LARP4B: variants seen among roughly 807,000 people sequenced by gnomAD.
LARP4B encodes la-related protein 4B.
LARP4B carries 12 observed loss-of-function variants against 89.8 expected under a neutral mutation model. The observed-to-expected ratio is 0.13, with a 90% confidence interval of 0.09 to 0.22. The LOEUF is 0.22. Among genes scored for constraint, LARP4B ranks in the 10% least tolerant of loss-of-function variants. The pLI is 1.00. For missense variants in LARP4B, 757 were observed against 947.7 expected (o/e 0.80, Z 2.64); for synonymous variants, 367 against 363.3 (o/e 1.01, Z -0.12).
intron 3 of LARP4B, among the ~76,000 whole-genome samples, chr10:873,878 T>A (rs1195016787): frequency 1.3e-5 from 2 of 152,220 alleles, no homozygotes; most frequent in Non-Finnish European, 2.9e-5. Context: ...ATAGTAAATA[T>A]ATACACACAT....
At chr10:963,051 A>G in the LARP4B span, among the ~76,000 whole-genome samples, 2 of 152,306 alleles carry the variant, frequency 1.3e-5, no homozygotes, top group Middle Eastern at 6.8e-3. Flanking sequence ...TAAACTGTGC[A>G]GCAGTAGCGT....
the LARP4B span, among the ~76,000 whole-genome samples, chr10:965,629 C>G: frequency 7.2e-5 from 11 of 152,082 alleles, no homozygotes; most frequent in Admixed American, 5.3e-4. Flanking sequence ...TAACCAGGTG[C>G]TGATTAGTTA....
At chr10:948,539 G>A in the LARP4B span, among the ~76,000 whole-genome samples, 2 of 152,212 alleles carry the variant, frequency 1.3e-5, no homozygotes, top group South Asian at 2.1e-4. Flanking sequence ...GAGCCCCCGC[G>A]CCCGGCCTCA....
At chr10:913,245 A>AT (rs1205378922) in intron 1 of LARP4B, among the ~76,000 whole-genome samples, 2 of 152,128 alleles carry the variant, frequency 1.3e-5, no homozygotes, top group Non-Finnish European at 2.9e-5. Flanking sequence ...GGGGGGAATT[A>AT]TTTTCACTAG....
upstream of LARP4B, among the ~76,000 whole-genome samples, chr10:935,778 G>T (rs936278203): frequency 2.1e-5 from 3 of 140,468 alleles, no homozygotes; most frequent in Non-Finnish European, 4.5e-5. Flanking sequence ...GAGTGCAGTG[G>T]CACAATCTTG....
chr10:855,990 G>T (rs1251075186), intron 5 of LARP4B, among the ~76,000 whole-genome samples: 1 of 152,224 alleles, frequency 6.6e-6, no homozygotes, highest in Non-Finnish European at 1.5e-5. Context: ...AACAAACAGT[G>T]CTGCAATAGC....
intron 8 of LARP4B, among the ~76,000 whole-genome samples, chr10:831,432 A>G (rs1005554270): frequency 6.6e-6 from 1 of 152,222 alleles, no homozygotes; most frequent in Non-Finnish European, 1.5e-5. Flanking sequence ...CCTGAACCCC[A>G]GCGTGAACAC....
chr10:946,930 G>A, the LARP4B span, among the ~76,000 whole-genome samples: 31 of 152,088 alleles, frequency 2.0e-4, no homozygotes, highest in African/African-American at 6.3e-4. Context: ...ATTCAGTGGC[G>A]CAATTTTGGC....
intron 1 of LARP4B, among the ~76,000 whole-genome samples, chr10:905,972 A>G (rs1836480988): frequency 6.6e-6 from 1 of 152,238 alleles, no homozygotes; most frequent in South Asian, 2.1e-4. Flanking sequence ...TGCACTAAGT[A>G]GGGCAAAAGC....
At chr10:949,586 C>T in the LARP4B span, among the ~76,000 whole-genome samples, 3 of 152,366 alleles carry the variant, frequency 2.0e-5, no homozygotes, top group Admixed American at 2.0e-4. Context: ...GATCTGCTCT[C>T]CCCGTCCTCA....
At chr10:907,474 G>A (rs756684029) in intron 1 of LARP4B, among the ~76,000 whole-genome samples, 7 of 152,068 alleles carry the variant, frequency 4.6e-5, no homozygotes, top group Non-Finnish European at 7.4e-5. Flanking sequence ...ATGCATGTCC[G>A]TTTAAGTGTG....
At chr10:894,179 A>G (rs1192937886) in intron 1 of LARP4B, among the ~76,000 whole-genome samples, 1 of 152,236 alleles carries the variant, frequency 6.6e-6, no homozygotes, top group African/African-American at 2.4e-5. Context: ...CAGTATTATC[A>G]TTAAAACTGG....
chr10:834,292 T>C (rs1329669496), intron 8 of LARP4B, among the ~76,000 whole-genome samples: 1 of 152,240 alleles, frequency 6.6e-6, no homozygotes, highest in Non-Finnish European at 1.5e-5. Context: ...TGACTAACGG[T>C]AAATTAGGAT....
intron 1 of LARP4B, among the ~76,000 whole-genome samples, chr10:930,221 A>G (rs1184036740): frequency 1.3e-5 from 2 of 152,164 alleles, no homozygotes; most frequent in Non-Finnish European, 2.9e-5. Context: ...AAACTAAGAG[A>G]AAAAAACTTT....
intron 5 of LARP4B, among the ~76,000 whole-genome samples, chr10:859,938 C>T (rs1834509388): frequency 1.3e-5 from 2 of 150,900 alleles, no homozygotes; most frequent in African/African-American, 4.9e-5. Context: ...CTCTCTGATG[C>T]TACAATGGAG....
chr10:943,666 T>A, the LARP4B span, among the ~76,000 whole-genome samples: 1 of 152,156 alleles, frequency 6.6e-6, no homozygotes, highest in Non-Finnish European at 1.5e-5. Context: ...TTGGGTGAGC[T>A]AAGACTGACA....
chr10:931,046 G>C (rs1303329671), intron 1 of LARP4B, among the ~76,000 whole-genome samples: 1 of 142,406 alleles, frequency 7.0e-6, no homozygotes, highest in South Asian at 2.3e-4. Flanking sequence ...ACCCCGGCCC[G>C]GTCTTCCGGG....
At chr10:829,101 G>T (rs1326361050) in intron 11 of LARP4B, among the ~76,000 whole-genome samples, 2 of 152,318 alleles carry the variant, frequency 1.3e-5, no homozygotes, top group South Asian at 2.1e-4. Context: ...CTGTGTAGGG[G>T]ACGCCAGGTA....
chr10:975,716 C>G, the LARP4B span, among the ~76,000 whole-genome samples: 1 of 151,184 alleles, frequency 6.6e-6, no homozygotes, highest in African/African-American at 2.4e-5. Context: ...TAATGTGCAG[C>G]CCGGCCTAGT....
Sources: allele counts gnomAD v4.1 joint callset (sites outside exome capture counted in the v4.1 genomes callset), GRCh38; gene constraint gnomAD v4.1.1; transcripts MANE v1.5; gene names NCBI Gene and HGNC (gene_info 2026-07-23, HGNC 2026-07-21).